Variants in PIK3CD observed in about 807,000 individuals in gnomAD.
The protein encoded by PIK3CD is phosphatidylinositol 4,5-bisphosphate 3-kinase catalytic subunit delta isoform.
In PIK3CD, 20 loss-of-function variants were observed where a neutral mutation model predicts 122.9. That is an observed-to-expected ratio of 0.16 (90% CI 0.11 to 0.24). The LOEUF is 0.24. Ranked by LOEUF, PIK3CD falls within the 10% of genes least tolerant of loss-of-function variation. The pLI is 1.00. For missense variants in PIK3CD, 787 were observed against 1,406.3 expected (o/e 0.56, Z 7.04); for synonymous variants, 596 against 593.4 (o/e 1.00, Z -0.06).
rs1250682190 is a variant in PIK3CD at position 9,716,028 on chromosome 1, C to T, written c.550C>T (p.Arg184Trp). 10 of 1,612,638 alleles carry T rather than the reference C, an allele frequency of 6.2e-6. No individual in the cohort carries two copies. Among genetic ancestry groups the T allele is most frequent in the African/African-American group, 1.3e-5 (1 of 75,064 alleles). The change falls in exon 5 of 24, where the codon CGG becomes TGG. Residue 184 changes from arginine (R) to tryptophan (W), a missense_variant. By Grantham distance (101) the Arg-to-Trp change is moderately radical. Around this residue, in one of 6 missense-constraint regions of PIK3CD, gnomAD observed 592 missense variants for 920.6 expected, o/e 0.64. Transcript: ENST00000377346. ...TCAAACCTGGGGGCCTGGTACCCTG[C>T]GGCTCCCGAACCGGGCCCTTCTGGT... is the stretch of plus-strand genomic sequence containing the variant. ...SAQTWGPGTL[R>W]LPNRALLVNV...
chr1:9,722,322 C>T lies in PIK3CD; in HGVS notation c.2313C>T (p.Gly771=), dbSNP rs769073614. Residue 771 remains glycine, a synonymous_variant, in exon 18 of 24, where the codon GGC becomes GGT. Coordinates refer to ENST00000377346, the MANE Select transcript of PIK3CD (RefSeq NM_005026.5). This position sits in a 1 kb window ranked among gnomAD's most constrained non-coding sequence, Gnocchi z 7.6. ...ACAGCAACGAGGAGGCAGGCAGCGGCGGCAGCGTGGGCATCATCTTTAAGA... is the reference window on the plus strand; with the variant it reads ...ACAGCAACGAGGAGGCAGGCAGCGGTGGCAGCGTGGGCATCATCTTTAAGA... ...IMYSNEEAGS[G]GSVGIIFKNG... The T allele has an allele frequency of 3.9e-5, 63 of 1,613,148 alleles. No homozygotes were observed. Among genetic ancestry groups the T allele is most frequent in the South Asian group, 9.9e-5 (9 of 91,028 alleles).
At chr1:9,721,028 G>A (rs1648553967) in intron 13 of PIK3CD, 99 bp from the exon 14 acceptor site, 1 of 1,426,418 alleles carries the variant, frequency 7.0e-7, no homozygotes, top group African/African-American at 1.4e-5. Context: ...CCCTGACCCT[G>A]GCCACCCACC....
Position 9,723,218 on chromosome 1 carries a change from C to T in PIK3CD, c.2520C>T (p.Asn840=). 2 of 1,613,894 alleles carry T rather than the reference C, an allele frequency of 1.2e-6. No homozygotes were observed. The highest frequency in any genetic ancestry group is 8.5e-7 in the Non-Finnish European group (1 of 1,180,018). ...ACACCATCGCCAACATCCAACTCAACAAGAGCAACATGGCAGCCACAGCCG... is the reference window on the plus strand; with the variant it reads ...ACACCATCGCCAACATCCAACTCAATAAGAGCAACATGGCAGCCACAGCCG... ...RSDTIANIQL[N]KSNMAATAAF... Residue 840 remains asparagine (N), a synonymous_variant, in exon 20 of 24, where the codon AAC becomes AAT. Coordinates refer to ENST00000377346, the MANE Select transcript of PIK3CD (RefSeq NM_005026.5). This position sits in a 1 kb window ranked among gnomAD's most constrained non-coding sequence, Gnocchi z 4.9.
At chr1:9,708,086 G>A (rs900042906) in intron 2 of PIK3CD, among the ~76,000 whole-genome samples, 6 of 151,950 alleles carry the variant, frequency 3.9e-5, no homozygotes, top group Non-Finnish European at 7.4e-5. Context: ...GAGCCACCGC[G>A]CCTGGTCCCG....
intron 1 of PIK3CD, among the ~76,000 whole-genome samples, chr1:9,655,081 G>A (rs199651232): frequency 7.2e-4 from 102 of 141,016 alleles, no homozygotes; most frequent in African/African-American, 2.1e-3. Flanking sequence ...AAAAAAAAAA[G>A]AAAAAAAAGC....
At position 9,722,423 on chromosome 1, in the gene PIK3CD, G is replaced by A; in HGVS notation, c.2347+67G>A. The A allele has an allele frequency of 6.5e-7, 1 of 1,546,230 alleles. No individual in the cohort carries two copies. The highest frequency in any genetic ancestry group is 2.3e-5 in the East Asian group (1 of 44,374). On this transcript the variant is annotated intron_variant, in intron 18 of 23. Coordinates refer to ENST00000377346, the MANE Select transcript of PIK3CD (RefSeq NM_005026.5). The surrounding 1 kb of genome is among the most constrained non-coding windows in gnomAD (Gnocchi z 7.6). ...GGGGGTCCTGGGGTGCTCCTAGAGT[G>A]GGGGTGGAGAAGACAGAATCCTGGG...
In PIK3CD at chr1:9,726,917, G is replaced by T. The variant is rs770555366; in HGVS notation, c.3006G>T (p.Leu1002=). 3.1e-5 allele frequency: 50 copies of T among 1,613,748 alleles called. No individual in the cohort carries two copies. Among genetic ancestry groups the T allele is most frequent in the Non-Finnish European group, 1.2e-5 (14 of 1,179,872 alleles). ...CTGTGATTTGTTTGCAGGACTCCCT[G>T]GCACTGGGGAAAACAGAGGAGGAGG... ...SKDIQYLKDS[L]ALGKTEEEAL... The change falls in exon 24 of 24, where the codon CTG becomes CTT. Residue 1002 remains leucine, a synonymous_variant. Coordinates refer to ENST00000377346, the MANE Select transcript of PIK3CD (RefSeq NM_005026.5).
At chr1:9,629,746 G>A in the PIK3CD span, among the ~76,000 whole-genome samples, 2 of 152,082 alleles carry the variant, frequency 1.3e-5, no homozygotes, top group African/African-American at 2.4e-5. Context: ...GGTACTCGCC[G>A]GACTCCCAGC....
At chr1:9,694,272 C>A (rs1036875471) in intron 2 of PIK3CD, among the ~76,000 whole-genome samples, 18 of 152,220 alleles carry the variant, frequency 1.2e-4, no homozygotes, top group African/African-American at 2.4e-5. Flanking sequence ...TGGCTCCCAC[C>A]TGTAATCCCA....
chr1:9,649,638 T>G, upstream of PIK3CD, among the ~76,000 whole-genome samples: 1 of 152,262 alleles, frequency 6.6e-6, no homozygotes, highest in South Asian at 2.1e-4. Context: ...AAGCCTCAGA[T>G]CCCTCATCTG....
intron 1 of PIK3CD, among the ~76,000 whole-genome samples, chr1:9,676,841 C>T (rs1645557244): frequency 6.6e-6 from 1 of 152,154 alleles, no homozygotes; most frequent in Admixed American, 6.5e-5. Context: ...TGAAGATGAG[C>T]CTGTTGAAAG....
chr1:9,648,961 C>T (rs999027957), upstream of PIK3CD, among the ~76,000 whole-genome samples: 2 of 151,962 alleles, frequency 1.3e-5, no homozygotes, highest in Non-Finnish European at 2.9e-5. Context: ...AATTAACCAG[C>T]CATGGTGGCA....
chr1:9,694,264 G>A (rs1405670598), intron 2 of PIK3CD, among the ~76,000 whole-genome samples: 4 of 152,226 alleles, frequency 2.6e-5, no homozygotes, highest in Non-Finnish European at 4.4e-5. Flanking sequence ...AGGCACGGTG[G>A]CTCCCACCTG....
At chr1:9,671,810 G>A (rs1008485663) in intron 1 of PIK3CD, among the ~76,000 whole-genome samples, 1 of 152,192 alleles carries the variant, frequency 6.6e-6, no homozygotes, top group Non-Finnish European at 1.5e-5. Flanking sequence ...AATACTGCTG[G>A]AAGTGAGATC....
At chr1:9,639,719 G>A in the PIK3CD span, among the ~76,000 whole-genome samples, 2 of 152,028 alleles carry the variant, frequency 1.3e-5, no homozygotes, top group African/African-American at 4.8e-5. Context: ...TATCTTCAGG[G>A]TTTTTGTTTG....
At chr1:9,630,737 T>TGTGTGTGTGTGC in the PIK3CD span, among the ~76,000 whole-genome samples, 4 of 110,598 alleles carry the variant, frequency 3.6e-5, no homozygotes, top group African/African-American at 1.1e-4. Flanking sequence ...TGTGTGTGTG[T>TGTGTGTGTGTGC]GTGCAGAAGA....
intron 1 of PIK3CD, among the ~76,000 whole-genome samples, chr1:9,677,967 A>C (rs1186777835): frequency 2.6e-5 from 4 of 151,954 alleles, no homozygotes; most frequent in African/African-American, 9.7e-5. Flanking sequence ...GCCCATGGTG[A>C]AACCCCGTCT....
chr1:9,723,877 C>T lies in PIK3CD; in HGVS notation c.2595-92C>T. 1.7e-6 allele frequency: 2 copies of T among 1,183,136 alleles called. No homozygotes were observed. The highest frequency in any genetic ancestry group is 2.5e-6 in the Non-Finnish European group (2 of 802,954). The allele number at this position is 1,183,136 out of a possible 1,614,324, so 73.3% of individuals were successfully genotyped here. ...CTGTTGGTCAAAGCAAGTCACAGGGCCAGATTCAAGGGGAGAGGGAGTAAT... is the reference window on the plus strand; with the variant it reads ...CTGTTGGTCAAAGCAAGTCACAGGGTCAGATTCAAGGGGAGAGGGAGTAAT... On this transcript the variant is annotated intron_variant, in intron 20 of 23. Coordinates refer to ENST00000377346, the MANE Select transcript of PIK3CD (RefSeq NM_005026.5). This position sits in a 1 kb window ranked among gnomAD's most constrained non-coding sequence, Gnocchi z 4.9.
intron 3 of PIK3CD, among the ~76,000 whole-genome samples, chr1:9,714,145 C>G (rs1389692006): frequency 6.6e-6 from 1 of 152,184 alleles, no homozygotes; most frequent in Admixed American, 6.5e-5. Flanking sequence ...AGCCACCGCA[C>G]CTGACCTAGA....
Sources: allele counts gnomAD v4.1 joint callset (sites outside exome capture counted in the v4.1 genomes callset), GRCh38; gene constraint gnomAD v4.1.1; regional missense constraint gnomAD v4.1.1; non-coding constraint Gnocchi (gnomAD v3.1); transcripts MANE v1.5; gene names NCBI Gene and HGNC (gene_info 2026-07-23, HGNC 2026-07-21).